The following TMC2 variants were observed in gnomAD, a reference collection of about 807,000 sequenced individuals.
The protein encoded by TMC2 is transmembrane channel like 2.
Under a neutral mutation model 105.9 loss-of-function variants are expected in TMC2, and 102 were observed. That is an observed-to-expected ratio of 0.96 (90% CI 0.82 to 1.14). The LOEUF (loss-of-function observed/expected upper bound fraction) is 1.14. TMC2 is among the 50% of genes most tolerant of loss of function. The pLI, the probability that TMC2 is intolerant of heterozygous loss-of-function variation, is 0.00. For missense variants in TMC2, 1,093 were observed against 1,134.3 expected, an observed-to-expected ratio of 0.96 and a Z score of 0.52; for synonymous variants, 402 against 422.8, an observed-to-expected ratio of 0.95 and a Z score of 0.60.
At chr20:2,584,783 GAA>G (rs1236102750) in intron 7 of TMC2, among the ~76,000 whole-genome samples, 20 of 150,096 alleles carry the variant, frequency 1.3e-4, no homozygotes, top group Admixed American at 4.6e-4. Context: ...GATTCTCTCT[GAA>G]ATGTCTTTTT....
chr20:2,559,982 G>A (rs1322653604), intron 3 of TMC2, among the ~76,000 whole-genome samples: 1 of 152,186 alleles, frequency 6.6e-6, no homozygotes, highest in Non-Finnish European at 1.5e-5. Context: ...CCGTTGCCTA[G>A]ATACTGACAG....
At chr20:2,630,935 A>G (rs1431155569) in intron 17 of TMC2, among the ~76,000 whole-genome samples, 1 of 152,176 alleles carries the variant, frequency 6.6e-6, no homozygotes, top group East Asian at 1.9e-4. Flanking sequence ...TGTTTGATTC[A>G]TTTACATTTA....
rs371176688 is a variant in TMC2 at position 2,543,823 on chromosome 20, G to A, written c.82+6507G>A. On this transcript the variant is annotated intron_variant, in intron 2 of 19. Transcript: ENST00000358864. ...CTAGATATTCACCAGTATTTGAGAG[G>A]TCATCATTTCATATCAATTGTCTGT... is the stretch of plus-strand genomic sequence containing the variant. 3.3e-5 allele frequency among the ~76,000 whole-genome samples: 5 copies of A among 151,894 alleles called. No homozygotes were observed. The East Asian group carries it at 7.7e-4, about 23-fold the overall frequency.
chr20:2,599,652 G>A (rs1200439349), intron 10 of TMC2, among the ~76,000 whole-genome samples: 3 of 146,224 alleles, frequency 2.1e-5, no homozygotes, highest in Non-Finnish European at 4.4e-5. Flanking sequence ...ATGTTGCCCA[G>A]GCTGGTCTCA....
At chr20:2,635,703 T>A (rs561500491) in intron 17 of TMC2, among the ~76,000 whole-genome samples, 2 of 152,288 alleles carry the variant, frequency 1.3e-5, no homozygotes, top group East Asian at 3.9e-4. Flanking sequence ...TACTGAGCAC[T>A]CGCAGAGCTA....
chr20:2,546,150 C>T (rs1333298665), intron 2 of TMC2, among the ~76,000 whole-genome samples: 1 of 152,136 alleles, frequency 6.6e-6, no homozygotes, highest in South Asian at 2.1e-4. Flanking sequence ...TGGATTTCTC[C>T]CCACCTGACC....
chr20:2,635,330 A>G (rs989572395), intron 17 of TMC2, among the ~76,000 whole-genome samples: 7 of 144,870 alleles, frequency 4.8e-5, no homozygotes, highest in African/African-American at 1.8e-4. Flanking sequence ...TCTTCGGCAA[A>G]CTTAGGTCTC....
intron 2 of TMC2, among the ~76,000 whole-genome samples, chr20:2,545,748 GGAA>G (rs2085919313): frequency 6.7e-6 from 1 of 148,416 alleles, no homozygotes; most frequent in East Asian, 2.0e-4. Context: ...TGAAGATGAA[GGAA>G]GAAGAAGACG....
intron 5 of TMC2, among the ~76,000 whole-genome samples, chr20:2,578,529 T>C (rs146538148): frequency 6.6e-6 from 1 of 152,234 alleles, no homozygotes; most frequent in African/African-American, 2.4e-5. Flanking sequence ...GCTGATCAGG[T>C]TTCTGTTTGG....
intron 5 of TMC2, among the ~76,000 whole-genome samples, chr20:2,573,313 T>C (rs1186155266): frequency 6.6e-6 from 1 of 152,110 alleles, no homozygotes; most frequent in African/African-American, 2.4e-5. Flanking sequence ...ACATCTAGGA[T>C]ACCATACATT....
At chr20:2,559,568 G>T (rs1201438244) in intron 3 of TMC2, among the ~76,000 whole-genome samples, 7 of 152,136 alleles carry the variant, frequency 4.6e-5, no homozygotes, top group Admixed American at 2.0e-4. Context: ...TTTTGCAACA[G>T]TTGGGAATAT....
rs754839371 is a variant in TMC2 at position 2,558,803 on chromosome 20, C to A, written c.401+29C>A. The A allele has an allele frequency of 1.3e-6, 2 of 1,497,974 alleles. No homozygotes were observed. Among genetic ancestry groups the A allele is most frequent in the African/African-American group, 1.4e-5 (1 of 71,548 alleles). The allele number at this position is 1,497,974 out of a possible 1,614,324, so 92.8% of individuals were successfully genotyped here. A position where few individuals can be genotyped will look rare whatever the true frequency, so the allele number is the denominator to read the frequency against. On this transcript the variant is annotated intron_variant, in intron 3 of 19. Coordinates refer to ENST00000358864, the MANE Select transcript of TMC2 (RefSeq NM_080751.3). The surrounding 1 kb of genome is among the most constrained non-coding windows in gnomAD (Gnocchi z 4.6). ...TGTTGTGGCTCCGATTCTGGGCATT[C>A]GCTCCGCGCGCTCCCGCTCCTTCGC...
intron 6 of TMC2, 31 bp from the exon 7 acceptor site, chr20:2,579,919 C>G: frequency 6.7e-7 from 1 of 1,484,042 alleles, no homozygotes; most frequent in Admixed American, 1.7e-5. Context: ...CCTTCTGCAG[C>G]ACTCATACCC....
At chr20:2,621,263 G>A (rs1332891829) in intron 16 of TMC2, among the ~76,000 whole-genome samples, 2 of 151,998 alleles carry the variant, frequency 1.3e-5, no homozygotes, top group African/African-American at 2.4e-5. Flanking sequence ...TCGGGAGGCT[G>A]AGGCAGGAGA....
chr20:2,553,057 TTA>T (rs1348651335), intron 2 of TMC2, among the ~76,000 whole-genome samples: 11 of 152,288 alleles, frequency 7.2e-5, no homozygotes, highest in African/African-American at 2.6e-4. Context: ...AAAGACAGTT[TTA>T]TTTTTTTGTT....
intron 10 of TMC2, among the ~76,000 whole-genome samples, chr20:2,600,594 G>A (rs933544073): frequency 5.3e-5 from 8 of 152,028 alleles, no homozygotes; most frequent in Non-Finnish European, 7.4e-5. Flanking sequence ...ACGCTGAGGC[G>A]GGCAGATCAC....
chr20:2,579,929 C>T lies in TMC2; in HGVS notation c.728-21C>T, dbSNP rs761057859. On this transcript the variant is annotated intron_variant, in intron 6 of 19. Transcript: ENST00000358864. ...TTTTTCCTTCTGCAGCACTCATACC[C>T]ACCGTCTTTTCTCTCTCTAGGTCAC... is the stretch of plus-strand genomic sequence containing the variant. 7.7e-6 allele frequency: 12 copies of T among 1,562,906 alleles called. No homozygotes were observed. In the Admixed American group the frequency reaches 1.5e-4, roughly 20 times the overall value.
chr20:2,575,784 A>C (rs188188931), intron 5 of TMC2, among the ~76,000 whole-genome samples: 1 of 148,706 alleles, frequency 6.7e-6, no homozygotes, highest in East Asian at 2.0e-4. Context: ...GCAATCTCAG[A>C]AATTTATCAG....
At position 2,636,130 on chromosome 20, in the gene TMC2, T is replaced by C. The variant is rs13038659; in HGVS notation, c.2385+126T>C. 262 of 736,080 alleles carry C rather than the reference T, an allele frequency of 3.6e-4. 1 individual carries two copies. The East Asian group carries it at 5.9e-3, about 16-fold the overall frequency. The allele number at this position is 736,080 out of a possible 1,614,324, so 45.6% of individuals were successfully genotyped here. ...TTCTTCTAAACCAAATCCCAAAATATCTGTATTATGGGAAGTAGCCTTGTG... is the reference window on the plus strand; with the variant it reads ...TTCTTCTAAACCAAATCCCAAAATACCTGTATTATGGGAAGTAGCCTTGTG... On this transcript the variant is annotated intron_variant, in intron 18 of 19. Coordinates refer to ENST00000358864, the MANE Select transcript of TMC2 (RefSeq NM_080751.3).
Sources: allele counts gnomAD v4.1 joint callset (sites outside exome capture counted in the v4.1 genomes callset), GRCh38; gene constraint gnomAD v4.1.1; non-coding constraint Gnocchi (gnomAD v3.1); transcripts MANE v1.5; gene names NCBI Gene and HGNC (gene_info 2026-07-23, HGNC 2026-07-21).